Variants in EIF4G3 observed in about 807,000 individuals in gnomAD.
EIF4G3 encodes the protein eukaryotic translation initiation factor 4 gamma 3, also known as eIF-4-gamma 3.
A neutral mutation model predicts 186.4 loss-of-function variants in EIF4G3; 34 were observed. The observed-to-expected ratio is 0.18, with a 90% CI of 0.14 to 0.24. The LOEUF (loss-of-function observed/expected upper bound fraction) is 0.24, where lower values mean the gene tolerates loss of function less well. EIF4G3 is among the 10% of genes least tolerant of loss of function. The probability of loss-of-function intolerance (pLI) is 1.00; values close to 1 mark genes in which losing one functional copy is unlikely to be tolerated. For synonymous variants in EIF4G3, 673 were observed against 679.5 expected (o/e 0.99, Z 0.15); for missense variants, 1,536 against 1,948.5 (o/e 0.79, Z 3.99).
At chr1:21,059,508 G>A (rs953902100) in intron 3 of EIF4G3, among the ~76,000 whole-genome samples, 1 of 151,126 alleles carries the variant, frequency 6.6e-6, no homozygotes, top group Non-Finnish European at 1.5e-5. Flanking sequence ...GACACCATTT[G>A]AATTCTGTTA....
At chr1:20,855,469 T>A (rs1429044111) in intron 25 of EIF4G3, among the ~76,000 whole-genome samples, 1 of 152,170 alleles carries the variant, frequency 6.6e-6, no homozygotes, top group Non-Finnish European at 1.5e-5. Flanking sequence ...AGAAAACAGA[T>A]CAACAGACAT....
rs1356101412 is a variant in EIF4G3, at chr1:20,943,978, G to T, written c.824-1648C>A. On this transcript the variant is annotated intron_variant, in intron 13 of 36. Transcript: ENST00000602326. Reference sequence around the variant, plus strand: ...GAAAACTTGTCTTTATTTTTTTTGTGTGTGTGTGTGTGTGTGTGTGTGTGT... The same window carrying T: ...GAAAACTTGTCTTTATTTTTTTTGTTTGTGTGTGTGTGTGTGTGTGTGTGT... 1.3e-3 allele frequency among the ~76,000 whole-genome samples: 67 copies of T among 52,456 alleles called. 1 individual carries two copies. Among genetic ancestry groups the T allele is most frequent in the African/African-American group, 3.9e-3 (61 of 15,544 alleles). 34.4% of individuals were successfully genotyped at this position (52,456 alleles called of 152,430 possible).
intron 12 of EIF4G3, among the ~76,000 whole-genome samples, chr1:20,962,908 G>GTTTTTTTTTTTTTTTTTTTTTTT (rs66593105): frequency 7.2e-6 from 1 of 139,182 alleles, no homozygotes. Context: ...TTGTAGTTTT[G>GTTTTTTTTTTTTTTTTTTTTTTT]TTTTTTTTTT....
chr1:21,141,771 A>G (rs1054863782), intron 2 of EIF4G3, among the ~76,000 whole-genome samples: 12 of 152,184 alleles, frequency 7.9e-5, no homozygotes, highest in African/African-American at 2.9e-4. Flanking sequence ...TCTACCAAAA[A>G]TTTTTATAAC....
intron 14 of EIF4G3, among the ~76,000 whole-genome samples, chr1:20,934,542 A>G (rs112373360): frequency 7.5e-4 from 114 of 152,272 alleles, no homozygotes; most frequent in African/African-American, 2.7e-3. Flanking sequence ...AATGTTCTCA[A>G]TAAAGAAGGA....
At chr1:20,878,932 G>GATTAGA (rs1173012674) in intron 20 of EIF4G3, among the ~76,000 whole-genome samples, 1 of 152,180 alleles carries the variant, frequency 6.6e-6, no homozygotes, top group Non-Finnish European at 1.5e-5. Context: ...TTTTCACAGA[G>GATTAGA]ATTAGAATTA....
chr1:21,012,859 C>T (rs535415745), intron 4 of EIF4G3, among the ~76,000 whole-genome samples: 4 of 152,178 alleles, frequency 2.6e-5, no homozygotes, highest in East Asian at 3.9e-4. Context: ...AGTGGCACGC[C>T]GCTGTAAATT....
At chr1:21,072,274 C>T (rs981170802) in intron 3 of EIF4G3, among the ~76,000 whole-genome samples, 1 of 152,260 alleles carries the variant, frequency 6.6e-6, no homozygotes, top group African/African-American at 2.4e-5. Flanking sequence ...TGGCTCATGC[C>T]GGTAATCCCA....
chr1:20,859,593 C>G (rs1557956230), intron 24 of EIF4G3, among the ~76,000 whole-genome samples: 1 of 152,026 alleles, frequency 6.6e-6, no homozygotes, highest in Non-Finnish European at 1.5e-5. Flanking sequence ...TTTTGCATGT[C>G]TCTATTTTTG....
chr1:21,079,252 A>G (rs1287051192), intron 3 of EIF4G3, among the ~76,000 whole-genome samples: 1 of 152,176 alleles, frequency 6.6e-6, no homozygotes. Flanking sequence ...AGCCTACTCA[A>G]TAGTGACCTG....
intron 10 of EIF4G3, among the ~76,000 whole-genome samples, chr1:20,977,340 C>G (rs1372138745): frequency 6.6e-6 from 1 of 152,050 alleles, no homozygotes; most frequent in Non-Finnish European, 1.5e-5. Flanking sequence ...GCGCCCGCCA[C>G]CACACCCTGC....
chr1:21,075,601 A>AAAAAAAAAAAAC (rs2095565293), intron 3 of EIF4G3, among the ~76,000 whole-genome samples: 1 of 138,498 alleles, frequency 7.2e-6, no homozygotes, highest in African/African-American at 2.6e-5. Context: ...AAAAAAAAAA[A>AAAAAAAAAAAAC]AAAGACAGAC....
intron 19 of EIF4G3, among the ~76,000 whole-genome samples, chr1:20,884,247 T>A (rs531465991): frequency 1.3e-5 from 2 of 152,338 alleles, no homozygotes; most frequent in Admixed American, 1.3e-4. Flanking sequence ...ATCAAGATAA[T>A]TATTCTGTTT....
intron 4 of EIF4G3, among the ~76,000 whole-genome samples, chr1:21,030,552 TATCTTTACCAGCACCCTGAA>T (rs2092648692): frequency 6.6e-6 from 1 of 152,216 alleles, no homozygotes; most frequent in Non-Finnish European, 1.5e-5. Flanking sequence ...GTGTCAAGTA[TATCTTTACCAGCACCCTGAA>T]AATGGACTAA....
intron 14 of EIF4G3, among the ~76,000 whole-genome samples, chr1:20,921,018 A>G (rs940844911): frequency 6.6e-6 from 1 of 152,174 alleles, no homozygotes; most frequent in Non-Finnish European, 1.5e-5. Context: ...TATATAATAG[A>G]ACTGTTTATA....
At chr1:21,057,732 T>C (rs1423540317) in intron 3 of EIF4G3, among the ~76,000 whole-genome samples, 1 of 152,148 alleles carries the variant, frequency 6.6e-6, no homozygotes, top group Non-Finnish European at 1.5e-5. Flanking sequence ...AGCAAACTAC[T>C]AACACCTGTG....
At position 20,969,599 on chromosome 1, in the gene EIF4G3, A is replaced by T; in HGVS notation, c.592-3T>A. On this transcript the variant is annotated splice_region_variant and splice_polypyrimidine_tract_variant and intron_variant, in intron 11 of 36. Coordinates refer to ENST00000602326, the MANE Select transcript of EIF4G3 (RefSeq NM_001391906.1). ...TGGTTTGGATCCCGAATTCTTATCT[A>T]TAAGGTTAAATAAAATGACATATGT... The T allele has an allele frequency of 6.2e-7, 1 of 1,612,692 alleles. No homozygotes were observed. Among genetic ancestry groups the T allele is most frequent in the South Asian group, 1.1e-5 (1 of 91,040 alleles).
rs546900313 is a variant in EIF4G3 at position 21,123,561 on chromosome 1, T to C, written c.-271-34348A>G. Among the ~76,000 whole-genome samples, 278 of 116,490 alleles carry C rather than the reference T, an allele frequency of 2.4e-3. 1 individual carries two copies. Among genetic ancestry groups the C allele is most frequent in the Middle Eastern group, 5.3e-3 (1 of 188 alleles). The allele number at this position is 116,490 out of a possible 152,430, so 76.4% of individuals were successfully genotyped here. Reference sequence around the variant, plus strand: ...GCCTGGGCAACACAGCAAGACTGTCTCAAAAAAAAAAAAAAAGAAAGAAAA... The same window carrying C: ...GCCTGGGCAACACAGCAAGACTGTCCCAAAAAAAAAAAAAAAGAAAGAAAA... On this transcript the variant is annotated intron_variant, in intron 2 of 36. Coordinates refer to ENST00000602326, the MANE Select transcript of EIF4G3 (RefSeq NM_001391906.1).
intron 3 of EIF4G3, among the ~76,000 whole-genome samples, chr1:21,054,149 C>G (rs984125885): frequency 1.3e-5 from 2 of 151,900 alleles, no homozygotes; most frequent in South Asian, 2.1e-4. Flanking sequence ...GCCTTGGGAT[C>G]CTGTTGATCT....
Sources: gnomAD v4.1 joint callset for allele counts (sites outside exome capture counted in the v4.1 genomes callset) on GRCh38, gnomAD v4.1.1 for gene constraint, MANE v1.5 for transcripts, NCBI Gene and HGNC (gene_info 2026-07-23, HGNC 2026-07-21) for gene names.